XYLT1: variants seen among roughly 807,000 people sequenced by gnomAD.
XYLT1 encodes the protein beta-D-xylosyltransferase 1.
Under a neutral mutation model 91.3 loss-of-function variants are expected in XYLT1, and 36 were observed. The observed-to-expected ratio is 0.39, with a 90% CI of 0.30 to 0.52. XYLT1 has a LOEUF of 0.52. XYLT1 is among the 20% of genes least tolerant of loss of function. XYLT1 has a pLI of 0.68. For missense variants in XYLT1, 1,242 were observed against 1,284.5 expected (o/e 0.97, Z 0.51); for synonymous variants, 588 against 532.0 (o/e 1.11, Z -1.45).
chr16:17,218,999 C>T (rs1216711595), intron 3 of XYLT1, among the ~76,000 whole-genome samples: 1 of 152,056 alleles, frequency 6.6e-6, no homozygotes, highest in East Asian at 1.9e-4. Flanking sequence ...AAATAATTAT[C>T]GGCAGGGCAT....
chr16:17,113,641 G>A (rs1966846698), intron 11 of XYLT1, among the ~76,000 whole-genome samples: 1 of 152,206 alleles, frequency 6.6e-6, no homozygotes, highest in African/African-American at 2.4e-5. Context: ...TCCAGAGAGG[G>A]CCCTGACACA....
At chr16:17,379,763 T>TCTCACACA (rs373354877) in intron 1 of XYLT1, among the ~76,000 whole-genome samples, 2,032 of 125,394 alleles carry the variant, frequency 0.016, 25 homozygotes, top group South Asian at 0.022. Context: ...TCTCTCTCTC[T>TCTCACACA]CACACACACA....
At chr16:17,443,997 C>T (rs954214641) in intron 1 of XYLT1, among the ~76,000 whole-genome samples, 2 of 152,140 alleles carry the variant, frequency 1.3e-5, no homozygotes, top group Non-Finnish European at 2.9e-5. Flanking sequence ...CCACCAGGCT[C>T]CCCTCACTCA....
intron 2 of XYLT1, among the ~76,000 whole-genome samples, chr16:17,272,325 G>C (rs2033909584): frequency 6.6e-6 from 1 of 151,878 alleles, no homozygotes; most frequent in Non-Finnish European, 1.5e-5. Context: ...ACCATGCCCG[G>C]CTAATTTTTT....
intron 10 of XYLT1, among the ~76,000 whole-genome samples, chr16:17,122,415 A>G (rs1052346206): frequency 6.6e-6 from 1 of 152,182 alleles, no homozygotes; most frequent in Admixed American, 6.5e-5. Context: ...CGGTCTATTC[A>G]TGGCCTTAGC....
At chr16:17,245,283 C>T (rs893822754) in intron 3 of XYLT1, among the ~76,000 whole-genome samples, 6 of 152,188 alleles carry the variant, frequency 3.9e-5, no homozygotes, top group Admixed American at 1.3e-4. Context: ...CCTGCCTTCT[C>T]ACCATCTTTT....
chr16:17,210,833 C>T (rs1597194736), intron 3 of XYLT1, among the ~76,000 whole-genome samples: 1 of 152,172 alleles, frequency 6.6e-6, no homozygotes, highest in African/African-American at 2.4e-5. Flanking sequence ...CCTGAATACC[C>T]TACCAGCAAA....
At chr16:17,388,521 C>T (rs948343747) in intron 1 of XYLT1, among the ~76,000 whole-genome samples, 2 of 152,056 alleles carry the variant, frequency 1.3e-5, no homozygotes, top group African/African-American at 4.8e-5. Context: ...TCCCTGAGCC[C>T]CAACTTCTTC....
intron 5 of XYLT1, among the ~76,000 whole-genome samples, chr16:17,167,859 A>T (rs2031735646): frequency 6.6e-6 from 1 of 152,176 alleles, no homozygotes; most frequent in African/African-American, 2.4e-5. Context: ...CATGGATTCT[A>T]ACCCATCCTT....
At chr16:17,395,294 T>A (rs1399745079) in intron 1 of XYLT1, among the ~76,000 whole-genome samples, 3 of 152,084 alleles carry the variant, frequency 2.0e-5, no homozygotes, top group Non-Finnish European at 4.4e-5. Context: ...CAATTCGAGA[T>A]GAGAGCTGGA....
chr16:17,123,063 T>C (rs575530343), intron 10 of XYLT1, among the ~76,000 whole-genome samples: 1 of 152,338 alleles, frequency 6.6e-6, no homozygotes, highest in South Asian at 2.1e-4. Context: ...ATGCAGGCTC[T>C]TTTTTAGTTC....
At chr16:17,404,466 A>T (rs2036006001) in intron 1 of XYLT1, among the ~76,000 whole-genome samples, 1 of 152,026 alleles carries the variant, frequency 6.6e-6, no homozygotes, top group Admixed American at 6.6e-5. Context: ...AACCTCCAAG[A>T]CTCTCCTGTG....
chr16:17,442,350 T>C (rs1024572947), intron 1 of XYLT1, among the ~76,000 whole-genome samples: 5 of 152,202 alleles, frequency 3.3e-5, no homozygotes, highest in African/African-American at 1.2e-4. Context: ...TTACAACTCA[T>C]TGCAGATCAG....
chr16:17,238,691 T>C (rs2033287788), intron 3 of XYLT1, among the ~76,000 whole-genome samples: 1 of 152,254 alleles, frequency 6.6e-6, no homozygotes, highest in Non-Finnish European at 1.5e-5. Context: ...ATGCTTCTTA[T>C]TGCTAATTAA....
At chr16:17,459,893 C>G (rs1342008934) in intron 1 of XYLT1, among the ~76,000 whole-genome samples, 1 of 152,150 alleles carries the variant, frequency 6.6e-6, no homozygotes, top group Non-Finnish European at 1.5e-5. Flanking sequence ...CTCTCCCTGT[C>G]CCCCACGGGT....
Position 17,314,566 on chromosome 16 carries a change from A to T in XYLT1, c.402+43446T>A, listed in dbSNP as rs375265640. Among the ~76,000 whole-genome samples the T allele has an allele frequency of 2.2e-4, 33 of 152,322 alleles. No homozygotes were observed. The East Asian group carries it at 5.6e-3, about 26-fold the overall frequency. On this transcript the variant is annotated intron_variant, in intron 2 of 11. Coordinates refer to ENST00000261381, the MANE Select transcript of XYLT1 (RefSeq NM_022166.4). ...GAGAACGCATACTGGGTGAAAATGT[A>T]TGCACAATCAGCTGAGAGCAACATG... is the stretch of plus-strand genomic sequence containing the variant.
chr16:17,189,831 G>A (rs2032269467), intron 5 of XYLT1, among the ~76,000 whole-genome samples: 1 of 152,180 alleles, frequency 6.6e-6, no homozygotes, highest in African/African-American at 2.4e-5. Flanking sequence ...TAGATCACAT[G>A]AGGTCAGGAG....
intron 1 of XYLT1, among the ~76,000 whole-genome samples, chr16:17,419,430 T>C (rs964236326): frequency 2.0e-5 from 3 of 152,044 alleles, no homozygotes; most frequent in South Asian, 2.1e-4. Flanking sequence ...TATGCAGTTA[T>C]AGCATGAGCT....
intron 4 of XYLT1, among the ~76,000 whole-genome samples, chr16:17,199,164 C>T (rs1427014290): frequency 6.6e-6 from 1 of 152,198 alleles, no homozygotes; most frequent in African/African-American, 2.4e-5. Context: ...GTCCCCACTC[C>T]TACTGATTGC....
Sources: allele counts gnomAD v4.1 joint callset (sites outside exome capture counted in the v4.1 genomes callset), GRCh38; gene constraint gnomAD v4.1.1; transcripts MANE v1.5; gene names NCBI Gene and HGNC (gene_info 2026-07-23, HGNC 2026-07-21).